ARHGAP39: variants seen among roughly 807,000 people sequenced by gnomAD.
ARHGAP39 encodes rho GTPase-activating protein 39.
ARHGAP39 carries 44 observed loss-of-function variants against 106.9 expected under a neutral mutation model. The observed-to-expected ratio is 0.41, with a 90% CI of 0.32 to 0.53. The LOEUF (loss-of-function observed/expected upper bound fraction) is 0.53. ARHGAP39 is among the 20% of genes least tolerant of loss of function. The probability of loss-of-function intolerance (pLI) is 0.21; values close to 1 mark genes in which losing one functional copy is unlikely to be tolerated. For missense variants in ARHGAP39, 1,496 were observed against 1,577.3 expected (o/e 0.95, Z 0.87); for synonymous variants, 768 against 693.2 (o/e 1.11, Z -1.69).
At chr8:144,560,851 CAG>C (rs1818116293) in intron 3 of ARHGAP39, among the ~76,000 whole-genome samples, 1 of 152,194 alleles carries the variant, frequency 6.6e-6, no homozygotes, top group African/African-American at 2.4e-5. Context: ...TAAACAGAAA[CAG>C]AAACTCTCAA....
At chr8:144,619,461 C>T (rs1294954369) in intron 1 of ARHGAP39, among the ~76,000 whole-genome samples, 5 of 150,780 alleles carry the variant, frequency 3.3e-5, no homozygotes, top group African/African-American at 9.8e-5. Context: ...CTCGTGTGCG[C>T]GTGAGCTCGT....
At chr8:144,601,209 TGGA>T (rs1469407351) in intron 2 of ARHGAP39, among the ~76,000 whole-genome samples, 4 of 133,144 alleles carry the variant, frequency 3.0e-5, no homozygotes, top group South Asian at 2.6e-4. Context: ...TGCATGTGCG[TGGA>T]GGTGCGTGTG....
rs200191602 is a variant in ARHGAP39 at position 144,530,418 on chromosome 8, C to A, written c.*4G>T. Reference sequence around the variant, plus strand: ...GACATCCCTCCTGTCCCCGGGCGCCCCCGCTACAGCACACCCTCCATGAAG... The same window carrying A: ...GACATCCCTCCTGTCCCCGGGCGCCACCGCTACAGCACACCCTCCATGAAG... On this transcript the variant is annotated 3_prime_UTR_variant, in exon 12 of 12. Coordinates refer to ENST00000377307, the MANE Select transcript of ARHGAP39 (RefSeq NM_025251.3). 18 of 1,591,148 alleles carry A rather than the reference C, an allele frequency of 1.1e-5. No individual in the cohort carries two copies. Among genetic ancestry groups the A allele is most frequent in the Non-Finnish European group, 2.6e-6 (3 of 1,166,140 alleles).
intron 4 of ARHGAP39, among the ~76,000 whole-genome samples, chr8:144,549,355 A>G (rs1248435922): frequency 6.6e-6 from 1 of 152,350 alleles, no homozygotes; most frequent in East Asian, 1.9e-4. Flanking sequence ...CCACTCGGGT[A>G]TGGCTATTTG....
At chr8:144,571,751 A>T (rs1473949657) in intron 3 of ARHGAP39, among the ~76,000 whole-genome samples, 1 of 152,256 alleles carries the variant, frequency 6.6e-6, no homozygotes, top group Non-Finnish European at 1.5e-5. Context: ...ACACTGTCTC[A>T]GCCCCAAATC....
Position 144,581,014 on chromosome 8 carries a change from G to C in ARHGAP39, c.344C>G (p.Ser115Cys). 1 of 1,589,352 alleles carries C rather than the reference G, an allele frequency of 6.3e-7. No homozygotes were observed. The highest frequency in any genetic ancestry group is 8.6e-7 in the Non-Finnish European group (1 of 1,168,346). ...KLQTLKQNTE[S>C]PRASAESSPG... ...GCTGCTCTCCGCCGAGGCGCGCGGG[G>C]ACTCCGTGTTCTGCTTCAGCGTCTG... The change falls in exon 3 of 12, where the codon TCC becomes TGC. Residue 115 changes from serine (S) to cysteine (C), a missense_variant. By Grantham distance (112) the Ser-to-Cys change is moderately radical. Transcript: ENST00000377307.
At chr8:144,575,723 T>C (rs1818747287) in intron 3 of ARHGAP39, among the ~76,000 whole-genome samples, 1 of 152,072 alleles carries the variant, frequency 6.6e-6, no homozygotes, top group African/African-American at 2.4e-5. Context: ...GTATAGTGAA[T>C]ACACAAACCA....
intron 1 of ARHGAP39, among the ~76,000 whole-genome samples, chr8:144,633,511 AAAAAG>A (rs1383713968): frequency 4.4e-4 from 67 of 152,354 alleles, no homozygotes; most frequent in Middle Eastern, 3.4e-3. Flanking sequence ...CAGTCGGCAA[AAAAAG>A]AAAAGAAATC....
At chr8:144,613,800 T>C (rs1820558934) in intron 1 of ARHGAP39, among the ~76,000 whole-genome samples, 1 of 152,260 alleles carries the variant, frequency 6.6e-6, no homozygotes, top group African/African-American at 2.4e-5. Context: ...TCTAGGCTTA[T>C]AGTTTCCATC....
intron 6 of ARHGAP39, chr8:144,544,029 C>T (rs1338109949): frequency 6.6e-6 from 1 of 152,390 alleles, no homozygotes; most frequent in Non-Finnish European, 1.5e-5. Context: ...CCTAGAATTC[C>T]ACCTGCTTCT....
chr8:144,578,589 T>C (rs55692289), intron 3 of ARHGAP39, among the ~76,000 whole-genome samples: 1 of 152,214 alleles, frequency 6.6e-6, no homozygotes, highest in South Asian at 2.1e-4. Flanking sequence ...GGCTCATGTC[T>C]GTAATCCCAG....
At chr8:144,655,730 T>C (rs1251540668) in intron 1 of ARHGAP39, among the ~76,000 whole-genome samples, 1 of 152,136 alleles carries the variant, frequency 6.6e-6, no homozygotes, top group East Asian at 1.9e-4. Flanking sequence ...ACCTCATTCT[T>C]CCTGGATGCA....
chr8:144,642,157 A>G (rs1412945866), intron 1 of ARHGAP39, among the ~76,000 whole-genome samples: 1 of 152,208 alleles, frequency 6.6e-6, no homozygotes, highest in Non-Finnish European at 1.5e-5. Flanking sequence ...CAGCAACATG[A>G]GACCTCGTCT....
chr8:144,558,840 A>G (rs1381137428), intron 3 of ARHGAP39, among the ~76,000 whole-genome samples: 1 of 151,920 alleles, frequency 6.6e-6, no homozygotes, highest in Non-Finnish European at 1.5e-5. Context: ...TGGGAGGCTG[A>G]GGTGGGTGGA....
At chr8:144,588,011 G>A (rs1819247506) in intron 2 of ARHGAP39, among the ~76,000 whole-genome samples, 2 of 152,240 alleles carry the variant, frequency 1.3e-5, no homozygotes, top group African/African-American at 4.8e-5. Context: ...ATCACCATCA[G>A]GGAAATGCAG....
At position 144,684,987 on chromosome 8, in the gene ARHGAP39, C is replaced by T. The variant is rs1822540522; in HGVS notation, c.-82+699G>A. ...TCAGGACGCGGGCACCAGACCCGACCGGCGGGCATCCACCTTGTCCCCACT... is the reference window on the plus strand; with the variant it reads ...TCAGGACGCGGGCACCAGACCCGACTGGCGGGCATCCACCTTGTCCCCACT... On this transcript the variant is annotated intron_variant, in intron 1 of 11. Coordinates refer to ENST00000377307, the MANE Select transcript of ARHGAP39 (RefSeq NM_025251.3). The surrounding 1 kb of genome is among the most constrained non-coding windows in gnomAD (Gnocchi z 4.4). Among the ~76,000 whole-genome samples the T allele has an allele frequency of 6.6e-6, 1 of 152,186 alleles. No individual in the cohort carries two copies. The highest frequency in any genetic ancestry group is 1.5e-5 in the Non-Finnish European group (1 of 68,026).
intron 3 of ARHGAP39, among the ~76,000 whole-genome samples, chr8:144,566,499 G>A (rs144867707): frequency 2.0e-5 from 3 of 152,120 alleles, no homozygotes; most frequent in African/African-American, 4.8e-5. Context: ...AGTGTGCAAT[G>A]AGCAGAGATC....
chr8:144,672,580 C>T (rs1279129491), intron 1 of ARHGAP39, among the ~76,000 whole-genome samples: 1 of 152,204 alleles, frequency 6.6e-6, no homozygotes, highest in East Asian at 1.9e-4. Context: ...CAGCAGTGCT[C>T]CCACGCCTCA....
intron 1 of ARHGAP39, among the ~76,000 whole-genome samples, chr8:144,609,694 G>A (rs1000055759): frequency 2.0e-5 from 3 of 151,896 alleles, no homozygotes; most frequent in African/African-American, 4.8e-5. Flanking sequence ...GAGCCACCGC[G>A]CCTGGCCATA....
Sources: allele counts gnomAD v4.1 joint callset (sites outside exome capture counted in the v4.1 genomes callset), GRCh38; gene constraint gnomAD v4.1.1; non-coding constraint Gnocchi (gnomAD v3.1); transcripts MANE v1.5; gene names NCBI Gene and HGNC (gene_info 2026-07-23, HGNC 2026-07-21).